The following OTOF variants were observed in gnomAD, a reference collection of about 807,000 sequenced individuals.
The protein encoded by OTOF is fer-1-like family member 2.
OTOF carries 218 observed loss-of-function variants against 236.8 expected under a neutral mutation model. The ratio of observed to expected loss-of-function variants is 0.92; its 90% CI spans 0.82 to 1.03. OTOF has a LOEUF of 1.03. Ranked by LOEUF, OTOF falls within the 50% of genes least tolerant of loss-of-function variation. The pLI is 0.00. For synonymous variants in OTOF, 1,041 were observed against 1,072.5 expected (o/e 0.97, Z 0.57); for missense variants, 2,590 against 2,694.4 (o/e 0.96, Z 0.86).
chr2:26,471,071 C>T, intron 31 of OTOF, 50 bp downstream of exon 31: 1 of 1,608,148 alleles, frequency 6.2e-7, no homozygotes, highest in Non-Finnish European at 8.5e-7. Context: ...ACATCATTGC[C>T]AATAAAGGAC....
At chr2:26,558,443 C>T in intron 1 of OTOF, 50 bp downstream of exon 1, 1 of 1,524,614 alleles carries the variant, frequency 6.6e-7, no homozygotes, top group Non-Finnish European at 9.1e-7. Context: ...AGAGCATGGG[C>T]TGGTCCAGCT....
At chr2:26,522,605 GC>G (rs1666704252) in intron 3 of OTOF, among the ~76,000 whole-genome samples, 1 of 152,226 alleles carries the variant, frequency 6.6e-6, no homozygotes, top group South Asian at 2.1e-4. Context: ...GGAGAGTGGG[GC>G]CCAGGACGAT....
chr2:26,473,477 C>T lies in OTOF; in HGVS notation c.3499G>A (p.Val1167Met), dbSNP rs780473101. Reference protein sequence around the residue: ...RVDIECAGKGVQSSLIHNYKK... With the variant: ...RVDIECAGKGMQSSLIHNYKK... The stretch of plus-strand genomic sequence containing the variant: ...TAATTGTGGATCAGGGACGACTGCA[C>T]CCCCTTCCCTGCACACTCGATGTCC... The change falls in exon 28 of 47, where the codon GTG (valine) becomes ATG (methionine). Residue 1167 changes from valine to methionine, a missense_variant. Val to Met is a conservative substitution (Grantham distance 21). This residue lies in a region of OTOF where 1,211 missense variants were observed against 1,352.8 expected (regional missense o/e 0.90). Coordinates refer to ENST00000272371, the MANE Select transcript of OTOF (RefSeq NM_194248.3). This position sits in a 1 kb window ranked among gnomAD's most constrained non-coding sequence, Gnocchi z 7.2. 1.9e-6 allele frequency: 3 copies of T among 1,613,232 alleles called. No homozygotes were observed. Among genetic ancestry groups the T allele is most frequent in the Admixed American group, 3.3e-5 (2 of 60,014 alleles).
chr2:26,510,696 G>A lies in OTOF; in HGVS notation c.509+5722C>T, dbSNP rs1259443913. ...CGCTGTTGCGTCTGCCCTCGCCTGG[G>A]ACACCTACTTGTGCTCGTCATCTCT... On this transcript the variant is annotated intron_variant, in intron 5 of 46. Transcript: ENST00000272371. 3.1e-6 allele frequency: 4 copies of A among 1,288,534 alleles called. No homozygotes were observed. The African/African-American group carries it at 4.6e-5, about 15-fold the overall frequency. 79.8% of individuals were successfully genotyped at this position (1,288,534 alleles called of 1,614,324 possible). A position where few individuals can be genotyped will look rare whatever the true frequency, so the allele number is the denominator to read the frequency against.
chr2:26,465,600 A>T, intron 38 of OTOF, 72 bp downstream of exon 38: 7 of 1,503,440 alleles, frequency 4.7e-6, no homozygotes, highest in Non-Finnish European at 6.5e-6. Context: ...AATCACCAGG[A>T]TCTGAATCTC....
chr2:26,528,603 T>C (rs915114011), intron 2 of OTOF, among the ~76,000 whole-genome samples: 1 of 152,210 alleles, frequency 6.6e-6, no homozygotes, highest in Non-Finnish European at 1.5e-5. Context: ...AGGAATTTGA[T>C]TGGGATTTTT....
At position 26,502,364 on chromosome 2, in the gene OTOF, G is replaced by C. The variant is rs746715863; in HGVS notation, c.646C>G (p.Leu216Val). The C allele has an allele frequency of 1.2e-6, 2 of 1,613,778 alleles. No individual in the cohort carries two copies. The highest frequency in any genetic ancestry group is 2.7e-5 in the African/African-American group (2 of 74,916). ...GCTAGAGACACCGAGTCGGGATCCAGTCCATCTCCTAGCCGAATGGCCAGA... is the reference window on the plus strand; with the variant it reads ...GCTAGAGACACCGAGTCGGGATCCACTCCATCTCCTAGCCGAATGGCCAGA... ...DHLAIRLGDG[L>V]DPDSVSLASV... The change falls in exon 7 of 47, where the codon CTG (leucine) becomes GTG (valine). Residue 216 changes from leucine to valine, a missense_variant. Physicochemically the swap from Leu to Val is conservative, Grantham distance 32 (BLOSUM62 1). This residue lies in a region of OTOF where 1,379 missense variants were observed against 1,341.6 expected (regional missense o/e 1.03). Transcript: ENST00000272371.
intron 5 of OTOF, among the ~76,000 whole-genome samples, chr2:26,514,608 G>A (rs543345889): frequency 2.7e-4 from 41 of 152,350 alleles, no homozygotes; most frequent in African/African-American, 9.4e-4. Flanking sequence ...CACAGGTCCG[G>A]AGCATCCATG....
At chr2:26,502,105 C>T (rs1053868421) in intron 7 of OTOF, among the ~76,000 whole-genome samples, 195 bp downstream of exon 7, 1 of 152,172 alleles carries the variant, frequency 6.6e-6, no homozygotes, top group Admixed American at 6.5e-5. Flanking sequence ...AACAGGCCTG[C>T]AGCTGCTGTG....
chr2:26,491,010 G>A (rs1405792235), intron 9 of OTOF, among the ~76,000 whole-genome samples: 1 of 152,168 alleles, frequency 6.6e-6, no homozygotes, highest in Non-Finnish European at 1.5e-5. Context: ...CTGACACCTT[G>A]GAGATGGAGG....
chr2:26,501,691 C>A (rs1247147564), intron 8 of OTOF, 63 bp downstream of exon 8: 14 of 1,131,256 alleles, frequency 1.2e-5, no homozygotes, highest in Non-Finnish European at 1.9e-5. Flanking sequence ...TAATGCACAT[C>A]CGGCTAGAAT....
At chr2:26,531,856 G>GTTT (rs1666955992) in intron 2 of OTOF, among the ~76,000 whole-genome samples, 2 of 152,074 alleles carry the variant, frequency 1.3e-5, no homozygotes, top group Non-Finnish European at 2.9e-5. Context: ...CATTTTGGGA[G>GTTT]GCCAAAGTGG....
chr2:26,466,913 G>A (rs951655386), intron 35 of OTOF, 62 bp from the exon 36 acceptor site: 30 of 1,607,924 alleles, frequency 1.9e-5, no homozygotes, highest in Non-Finnish European at 2.5e-5. Context: ...ATTCAAAATA[G>A]CTAACAGCAC....
At chr2:26,540,796 A>G (rs1270585967) in intron 1 of OTOF, among the ~76,000 whole-genome samples, 1 of 152,184 alleles carries the variant, frequency 6.6e-6, no homozygotes, top group Admixed American at 6.5e-5. Context: ...AAAAAACCAT[A>G]AAGCAGAAGC....
intron 8 of OTOF, among the ~76,000 whole-genome samples, chr2:26,501,229 C>A (rs1246044178): frequency 6.6e-6 from 1 of 152,106 alleles, no homozygotes; most frequent in African/African-American, 2.4e-5. Flanking sequence ...TGTCTCTGGT[C>A]TTAGAAGCAC....
Position 26,473,421 on chromosome 2 carries a change from G to A in OTOF, c.3555C>T (p.Val1185=). 6.2e-7 allele frequency: 1 copy of A among 1,613,512 alleles called. No homozygotes were observed. Among genetic ancestry groups the A allele is most frequent in the Admixed American group, 1.7e-5 (1 of 60,010 alleles). ...CTGCACTCACCACTTCAAACCACTT[G>A]ACGAGGGTGTTGAAGTTGGGGTTCT... is the stretch of plus-strand genomic sequence containing the variant. The part of the protein sequence containing the change: ...YKKNPNFNTL[V]KWFEVDLPEN... Residue 1185 remains valine (V), a synonymous_variant, in exon 28 of 47, where the codon GTC becomes GTT. Transcript: ENST00000272371. The surrounding 1 kb of genome is among the most constrained non-coding windows in gnomAD (Gnocchi z 7.2).
At chr2:26,480,089 TGAGG>T (rs1665489856) in intron 16 of OTOF, 110 bp downstream of exon 16, 1 of 749,228 alleles carries the variant, frequency 1.3e-6, no homozygotes, top group Admixed American at 1.9e-5. Context: ...CCTACAAGAG[TGAGG>T]ACAGGGCTGA....
intron 3 of OTOF, among the ~76,000 whole-genome samples, chr2:26,525,037 T>C (rs1021939107): frequency 2.6e-5 from 4 of 152,188 alleles, no homozygotes; most frequent in African/African-American, 9.7e-5. Context: ...CCTGTCCTCA[T>C]AGGTCACACC....
At chr2:26,539,028 G>A (rs1016138087) in intron 1 of OTOF, among the ~76,000 whole-genome samples, 10 of 152,124 alleles carry the variant, frequency 6.6e-5, no homozygotes, top group African/African-American at 2.4e-4. Context: ...GGCCAGGCTC[G>A]TCTGGAACTC....
Sources: gnomAD v4.1 joint callset for allele counts (sites outside exome capture counted in the v4.1 genomes callset) on GRCh38, gnomAD v4.1.1 for gene constraint, gnomAD v4.1.1 regional missense constraint, Gnocchi (gnomAD v3.1) non-coding constraint, MANE v1.5 for transcripts, NCBI Gene and HGNC (gene_info 2026-07-23, HGNC 2026-07-21) for gene names.